Variants in ITGB3 observed in about 807,000 individuals in gnomAD.
ITGB3 encodes integrin beta-3.
In ITGB3, 48 loss-of-function variants were observed where a neutral mutation model predicts 85.8. That is an observed-to-expected ratio of 0.56 (90% CI 0.44 to 0.71). ITGB3 has a LOEUF of 0.71. ITGB3 is among the 30% of genes least tolerant of loss of function. The pLI is 0.00. For synonymous variants in ITGB3, 363 were observed against 395.6 expected (o/e 0.92, Z 0.98); for missense variants, 861 against 1,019.1 (o/e 0.84, Z 2.11).
intron 9 of ITGB3, among the ~76,000 whole-genome samples, chr17:47,291,904 G>A (rs2065127170): frequency 6.6e-6 from 1 of 152,154 alleles, no homozygotes; most frequent in Non-Finnish European, 1.5e-5. Flanking sequence ...TTTATTGACT[G>A]TAAACCATGT....
chr17:47,307,764 C>A, intron 14 of ITGB3, 127 bp downstream of exon 14: 1 of 915,152 alleles, frequency 1.1e-6, no homozygotes, highest in Non-Finnish European at 1.8e-6. Context: ...GTTCTGGAAA[C>A]TGGGAGAGAT....
chr17:47,282,065 C>T (rs1851315471), intron 2 of ITGB3, among the ~76,000 whole-genome samples: 2 of 152,140 alleles, frequency 1.3e-5, no homozygotes, highest in Admixed American at 1.3e-4. Context: ...TCTCCTGCCT[C>T]CGTCTCCCAA....
At chr17:47,297,953 C>G (rs1364816148) in intron 10 of ITGB3, among the ~76,000 whole-genome samples, 1 of 151,666 alleles carries the variant, frequency 6.6e-6, no homozygotes, top group African/African-American at 2.4e-5. Context: ...TATTAAATGC[C>G]TCCTTGGTTG....
chr17:47,296,362 T>C (rs954075657), intron 10 of ITGB3, among the ~76,000 whole-genome samples: 1 of 152,012 alleles, frequency 6.6e-6, no homozygotes, highest in African/African-American at 2.4e-5. Flanking sequence ...GTCTCCGAAG[T>C]AGCTAGGACT....
chr17:47,307,584 C>T lies in ITGB3; in HGVS notation c.2248C>T (p.Arg750Ter), dbSNP rs121918450. The change falls in exon 14 of 15, where the codon CGA becomes TGA. Residue 750 changes from arginine (R) to a stop codon, truncating the protein, a stop_gained. Coordinates refer to ENST00000559488, the MANE Select transcript of ITGB3 (RefSeq NM_000212.3). LOFTEE classifies it high-confidence loss of function. ...IWKLLITIHDRKEFAKFEEER... is the reference protein window; with the variant it reads ...IWKLLITIHD ...GAAACTCCTCATCACCATCCACGAC[C>T]GAAAAGAATTCGCTAAATTTGAGGA... 47 of 1,614,112 alleles carry T rather than the reference C, an allele frequency of 2.9e-5. No homozygotes were observed. The African/African-American group carries it at 4.8e-4, about 16-fold the overall frequency.
Position 47,299,289 on chromosome 17 carries a change from C to T in ITGB3, c.1691-19C>T, listed in dbSNP as rs767347883. 1.7e-5 allele frequency: 28 copies of T among 1,612,414 alleles called. No individual in the cohort carries two copies. Among genetic ancestry groups the T allele is most frequent in the Non-Finnish European group, 1.9e-5 (23 of 1,179,632 alleles). ...AGCTCTCGCCAGCGGGTCCACCTTCCTGGGCTGTGTGTTTTCAGGCCATGG... is the reference window on the plus strand; with the variant it reads ...AGCTCTCGCCAGCGGGTCCACCTTCTTGGGCTGTGTGTTTTCAGGCCATGG... On this transcript the variant is annotated intron_variant, in intron 10 of 14. Transcript: ENST00000559488. The surrounding 1 kb of genome is among the most constrained non-coding windows in gnomAD (Gnocchi z 5.1).
At chr17:47,300,695 A>G in intron 12 of ITGB3, 117 bp downstream of exon 12, 1 of 769,052 alleles carries the variant, frequency 1.3e-6, no homozygotes, top group East Asian at 2.7e-5. Context: ...ACCTCAGGGA[A>G]TGTTGTGCAG....
chr17:47,289,913 G>T, intron 7 of ITGB3, 137 bp downstream of exon 7: 1 of 738,834 alleles, frequency 1.4e-6, no homozygotes, highest in Non-Finnish European at 2.4e-6. Context: ...GCTAAAGATT[G>T]CACTCTGGGC....
intron 13 of ITGB3, among the ~76,000 whole-genome samples, chr17:47,306,040 T>C (rs1405650402): frequency 1.3e-5 from 2 of 152,184 alleles, no homozygotes; most frequent in African/African-American, 4.8e-5. Flanking sequence ...CCAAAGATCA[T>C]GTATAAAAGT....
intron 1 of ITGB3, among the ~76,000 whole-genome samples, chr17:47,262,143 A>G (rs1227991052): frequency 2.6e-5 from 4 of 152,174 alleles, no homozygotes; most frequent in Non-Finnish European, 4.4e-5. Context: ...GGTGTTGTCA[A>G]TTTGTCCTCC....
At chr17:47,290,910 C>T in intron 8 of ITGB3, 44 bp from the exon 9 acceptor site, 2 of 1,612,690 alleles carry the variant, frequency 1.2e-6, no homozygotes, top group Admixed American at 3.3e-5. Context: ...TTCCCGTTTC[C>T]TTTCAGTTCA....
chr17:47,255,531 C>T (rs1009694173), intron 1 of ITGB3, among the ~76,000 whole-genome samples: 1 of 151,182 alleles, frequency 6.6e-6, no homozygotes, highest in African/African-American at 2.4e-5. Context: ...AAGGGATTCT[C>T]CTGCCTCAGC....
intron 13 of ITGB3, among the ~76,000 whole-genome samples, chr17:47,304,584 CT>C (rs1036317921): frequency 6.6e-6 from 1 of 151,962 alleles, no homozygotes; most frequent in African/African-American, 2.4e-5. Context: ...TGGCTTCCTG[CT>C]TTTTTTGTTT....
intron 10 of ITGB3, among the ~76,000 whole-genome samples, chr17:47,298,541 C>G (rs964616457): frequency 6.6e-5 from 10 of 152,310 alleles, no homozygotes; most frequent in African/African-American, 2.4e-4. Context: ...TAACCCCATG[C>G]CCTGGATCTC....
intron 1 of ITGB3, among the ~76,000 whole-genome samples, chr17:47,254,438 T>TA (rs778231775): frequency 9.9e-5 from 15 of 152,228 alleles, no homozygotes; most frequent in East Asian, 1.9e-4. Context: ...TTTCTCCTGT[T>TA]ACGCTTTCTC....
chr17:47,283,292 AG>A lies in ITGB3; in HGVS notation c.166-60del, dbSNP rs553272470. 8.5e-6 allele frequency: 13 copies of A among 1,523,916 alleles called. No homozygotes were observed. In the Admixed American group the frequency reaches 2.0e-4, roughly 24 times the overall value. 94.4% of individuals were successfully genotyped at this position (1,523,916 alleles called of 1,614,324 possible). ...GCTATTGGGAAGTGGTAGGGCCTGC[AG>A]GAGGTAGAGAGTCGCCATAGCTCTG... is the stretch of plus-strand genomic sequence containing the variant. On this transcript the variant is annotated intron_variant, in intron 2 of 14. Transcript: ENST00000559488.
intron 4 of ITGB3, 62 bp downstream of exon 4, chr17:47,284,757 T>G: frequency 1.9e-6 from 3 of 1,598,474 alleles, no homozygotes; most frequent in South Asian, 2.2e-5. Context: ...CAAGTCCTGG[T>G]TCCTATTTCT....
intron 6 of ITGB3, among the ~76,000 whole-genome samples, 197 bp downstream of exon 6, chr17:47,287,428 C>T (rs900748917): frequency 2.0e-5 from 3 of 152,150 alleles, no homozygotes. Flanking sequence ...TTAGAGATGT[C>T]CCTGATTGTG....
In ITGB3 at chr17:47,292,417, C is replaced by T. The variant is rs772585140; in HGVS notation, c.1539C>T (p.Ser513=). 7 of 1,611,058 alleles carry T rather than the reference C, an allele frequency of 4.3e-6. No homozygotes were observed. The highest frequency in any genetic ancestry group is 1.3e-5 in the African/African-American group (1 of 74,894). The change falls in exon 10 of 15, where the codon AGC becomes AGT. Residue 513 remains serine, a synonymous_variant. Transcript: ENST00000559488. The stretch of plus-strand genomic sequence containing the variant: ...GCCCTTCCCAGCAGGACGAATGCAG[C>T]CCCCGGGAGGGTCAGCCCGTCTGCA... The part of the protein sequence containing the change: ...DYRPSQQDEC[S]PREGQPVCSQ...
Sources: gnomAD v4.1 joint callset for allele counts (sites outside exome capture counted in the v4.1 genomes callset) on GRCh38, gnomAD v4.1.1 for gene constraint, Gnocchi (gnomAD v3.1) non-coding constraint, MANE v1.5 for transcripts, NCBI Gene and HGNC (gene_info 2026-07-23, HGNC 2026-07-21) for gene names.